Variants in MEIS2 observed in about 807,000 individuals in gnomAD.
The protein encoded by MEIS2 is Meis homeobox 2, also known as homeobox protein Meis2.
A neutral mutation model predicts 58.6 loss-of-function variants in MEIS2; 9 were observed. The ratio of observed to expected loss-of-function variants is 0.15; its 90% CI spans 0.09 to 0.27. The LOEUF (loss-of-function observed/expected upper bound fraction) is 0.27, where lower values mean the gene tolerates loss of function less well. Among genes scored for constraint, MEIS2 ranks in the 10% least tolerant of loss-of-function variants. The pLI, the probability that MEIS2 is intolerant of heterozygous loss-of-function variation, is 1.00. For missense variants in MEIS2, 427 were observed against 635.0 expected (o/e 0.67, Z 3.52); for synonymous variants, 221 against 228.4 (o/e 0.97, Z 0.29).
chr15:36,929,051 C>A (rs1459464792), intron 9 of MEIS2, among the ~76,000 whole-genome samples: 1 of 152,206 alleles, frequency 6.6e-6, no homozygotes, highest in Non-Finnish European at 1.5e-5. Flanking sequence ...TTATATAACT[C>A]TTCTGTCTTC....
At chr15:37,098,379 G>GGAGAGAGGGA (rs1555474099) in intron 1 of MEIS2, 180 bp from the exon 2 acceptor site, 4 of 307,906 alleles carry the variant, frequency 1.3e-5, no homozygotes, top group Admixed American at 1.6e-4. Flanking sequence ...GAGGAGAGGG[G>GGAGAGAGGGA]GAGAGAGAGA....
At chr15:36,973,030 A>G (rs1050448141) in intron 8 of MEIS2, 1 of 152,204 alleles carries the variant, frequency 6.6e-6, no homozygotes, top group Non-Finnish European at 1.5e-5. Context: ...ATACACCAAC[A>G]CAGCTGTGGA....
At chr15:36,993,351 G>T (rs891513228) in intron 8 of MEIS2, among the ~76,000 whole-genome samples, 2 of 152,042 alleles carry the variant, frequency 1.3e-5, no homozygotes, top group African/African-American at 4.8e-5. Flanking sequence ...ACTTGTCAAA[G>T]TCTCCTGGGG....
At chr15:36,968,951 C>G (rs1187067356) in intron 8 of MEIS2, among the ~76,000 whole-genome samples, 1 of 152,160 alleles carries the variant, frequency 6.6e-6, no homozygotes, top group South Asian at 2.1e-4. Context: ...AGATCAAAAC[C>G]AGTCCTCCTC....
chr15:37,083,741 T>C, intron 7 of MEIS2, 30 bp downstream of exon 7: 2 of 1,589,324 alleles, frequency 1.3e-6, no homozygotes, highest in Non-Finnish European at 1.7e-6. Flanking sequence ...TCATGCCTAC[T>C]TTGCACGAGG....
intron 8 of MEIS2, among the ~76,000 whole-genome samples, chr15:37,013,216 C>T (rs543733104): frequency 5.6e-4 from 85 of 152,006 alleles, no homozygotes; most frequent in African/African-American, 2.0e-3. Flanking sequence ...CCTGAAGAAA[C>T]GAGAGAGAAA....
At chr15:37,028,892 CT>C (rs753143517) in intron 8 of MEIS2, among the ~76,000 whole-genome samples, 23 of 152,088 alleles carry the variant, frequency 1.5e-4, no homozygotes, top group Non-Finnish European at 3.1e-4. Context: ...CTGCCCACCC[CT>C]ATCTCCCATC....
chr15:37,033,836 A>C (rs1354920482), intron 8 of MEIS2, among the ~76,000 whole-genome samples: 4 of 152,176 alleles, frequency 2.6e-5, no homozygotes, highest in Non-Finnish European at 5.9e-5. Flanking sequence ...TAAATCTTTC[A>C]GCTCATTAAA....
At chr15:37,006,692 T>A (rs2060935185) in intron 8 of MEIS2, among the ~76,000 whole-genome samples, 1 of 152,244 alleles carries the variant, frequency 6.6e-6, no homozygotes, top group Non-Finnish European at 1.5e-5. Context: ...GATGCAGAAC[T>A]GTTCGTTGTT....
intron 7 of MEIS2, among the ~76,000 whole-genome samples, chr15:37,041,420 A>G (rs1222764225): frequency 3.3e-5 from 5 of 151,910 alleles, no homozygotes; most frequent in Admixed American, 1.3e-4. Context: ...CTGTCTTAAG[A>G]CTCTGAAGCA....
At chr15:37,100,597 G>T (rs1424853213), upstream of MEIS2, 1 of 144,018 alleles carries the variant, frequency 6.9e-6, no homozygotes, top group East Asian at 2.1e-4. Context: ...GGGGGCGGGA[G>T]GGGGAGGGGA....
At chr15:37,049,214 T>C (rs145348403) in intron 7 of MEIS2, among the ~76,000 whole-genome samples, 14 of 152,264 alleles carry the variant, frequency 9.2e-5, no homozygotes, top group Admixed American at 2.6e-4. Context: ...TAATCTAGGA[T>C]AGCACAAGTT....
intron 7 of MEIS2, among the ~76,000 whole-genome samples, chr15:37,075,106 A>T (rs1346696334): frequency 1.3e-5 from 2 of 151,978 alleles, no homozygotes; most frequent in Non-Finnish European, 2.9e-5. Context: ...AACAACACTT[A>T]TTAGCAAAAT....
chr15:36,896,737 C>T (rs56279247), intron 9 of MEIS2, 51 bp from the exon 10 acceptor site: 71 of 1,448,222 alleles, frequency 4.9e-5, no homozygotes, highest in Non-Finnish European at 6.2e-5. Context: ...CTGTACTCTG[C>T]GAACACCTTT....
intron 11 of MEIS2, 70 bp from the exon 12 acceptor site, chr15:36,892,529 T>TAAAAAAA: frequency 1.0e-6 from 1 of 994,170 alleles, no homozygotes; most frequent in Non-Finnish European, 1.4e-6. Flanking sequence ...CCATCAAAGA[T>TAAAAAAA]GAAAAGAAAA....
intron 8 of MEIS2, among the ~76,000 whole-genome samples, chr15:36,952,537 T>C (rs576565259): frequency 6.6e-6 from 1 of 152,108 alleles, no homozygotes; most frequent in African/African-American, 2.4e-5. Flanking sequence ...CTGTTCACTG[T>C]TGTGATGCAT....
At chr15:37,051,576 T>C (rs191704164) in intron 7 of MEIS2, among the ~76,000 whole-genome samples, 6 of 152,332 alleles carry the variant, frequency 3.9e-5, no homozygotes, top group Admixed American at 3.3e-4. Context: ...CCAAAACTTA[T>C]TAAATTGTAC....
At chr15:36,918,303 T>C (rs2057362832) in intron 9 of MEIS2, among the ~76,000 whole-genome samples, 1 of 152,228 alleles carries the variant, frequency 6.6e-6, no homozygotes, top group Non-Finnish European at 1.5e-5. Flanking sequence ...CTATATCTCT[T>C]ACTGAGTGAT....
At chr15:36,938,043 C>T (rs368959393) in intron 9 of MEIS2, among the ~76,000 whole-genome samples, 1 of 151,930 alleles carries the variant, frequency 6.6e-6, no homozygotes, top group African/African-American at 2.4e-5. Flanking sequence ...AGATTTTAAA[C>T]GATGTTTGAA....
Sources: allele counts gnomAD v4.1 joint callset (sites outside exome capture counted in the v4.1 genomes callset), GRCh38; gene constraint gnomAD v4.1.1; transcripts MANE v1.5; gene names NCBI Gene and HGNC (gene_info 2026-07-23, HGNC 2026-07-21).